The following HS6ST3 variants were observed in gnomAD, a reference collection of about 807,000 sequenced individuals.
HS6ST3 encodes the protein heparan sulfate 6-O-sulfotransferase 3, also known as heparan-sulfate 6-O-sulfotransferase 3.
A neutral mutation model predicts 36.7 loss-of-function variants in HS6ST3; 12 were observed. The observed-to-expected ratio is 0.33, with a 90% CI of 0.21 to 0.53. The LOEUF (loss-of-function observed/expected upper bound fraction) is 0.53. Ranked by LOEUF, HS6ST3 falls within the 20% of genes least tolerant of loss-of-function variation. The probability of loss-of-function intolerance (pLI) is 0.95; values close to 1 mark genes in which losing one functional copy is unlikely to be tolerated. For missense variants in HS6ST3, 584 were observed against 640.9 expected, an observed-to-expected ratio of 0.91 and a Z score of 0.96; for synonymous variants, 240 against 257.5, an observed-to-expected ratio of 0.93 and a Z score of 0.65.
chr13:96,469,274 C>T (rs1419229171), intron 1 of HS6ST3, among the ~76,000 whole-genome samples: 1 of 151,846 alleles, frequency 6.6e-6, no homozygotes, highest in African/African-American at 2.4e-5. Flanking sequence ...TTTTCTCCGT[C>T]ATTGGCTTAG....
chr13:96,828,727 C>G (rs1878704342), intron 1 of HS6ST3, among the ~76,000 whole-genome samples: 1 of 152,164 alleles, frequency 6.6e-6, no homozygotes. Context: ...GTTTGCTACA[C>G]CAAGGGTCTT....
At chr13:96,656,732 A>G (rs1006400587) in intron 1 of HS6ST3, among the ~76,000 whole-genome samples, 1 of 152,106 alleles carries the variant, frequency 6.6e-6, no homozygotes, top group African/African-American at 2.4e-5. Context: ...GGAATCCTTC[A>G]ATGAATTGGC....
At chr13:96,576,973 A>AAAGT (rs2056324387) in intron 1 of HS6ST3, among the ~76,000 whole-genome samples, 1 of 144,968 alleles carries the variant, frequency 6.9e-6, no homozygotes, top group Non-Finnish European at 1.5e-5. Context: ...AAAAAAAAAA[A>AAAGT]GTTGCTCTAT....
chr13:96,093,719 T>A (rs943460413), intron 1 of HS6ST3, among the ~76,000 whole-genome samples: 1 of 152,168 alleles, frequency 6.6e-6, no homozygotes, highest in Non-Finnish European at 1.5e-5. Context: ...TTGTGGCATA[T>A]GTGAAGTGCC....
At chr13:96,589,328 T>G (rs564069908) in intron 1 of HS6ST3, among the ~76,000 whole-genome samples, 1 of 152,102 alleles carries the variant, frequency 6.6e-6, no homozygotes, top group Non-Finnish European at 1.5e-5. Flanking sequence ...TAATTTTTTA[T>G]GTATAATTGT....
At chr13:96,804,618 ATT>A (rs879622817) in intron 1 of HS6ST3, among the ~76,000 whole-genome samples, 1 of 147,840 alleles carries the variant, frequency 6.8e-6, no homozygotes, top group African/African-American at 2.5e-5. Flanking sequence ...GCAAAGAATC[ATT>A]TTTTTTTTTA....
chr13:96,111,112 T>G (rs1361192530), intron 1 of HS6ST3, among the ~76,000 whole-genome samples: 1 of 152,202 alleles, frequency 6.6e-6, no homozygotes, highest in Non-Finnish European at 1.5e-5. Context: ...TAGTTGACTG[T>G]GCAGGATCAC....
chr13:96,311,511 T>C (rs2054940867), intron 1 of HS6ST3, among the ~76,000 whole-genome samples: 1 of 152,150 alleles, frequency 6.6e-6, no homozygotes, highest in Non-Finnish European at 1.5e-5. Flanking sequence ...CCCTTATTCT[T>C]TGATACTCCC....
chr13:96,726,864 T>C (rs541250819), intron 1 of HS6ST3, among the ~76,000 whole-genome samples: 2 of 152,324 alleles, frequency 1.3e-5, no homozygotes, highest in African/African-American at 2.4e-5. Context: ...TTTCCCTCTG[T>C]ATGTTTCATG....
intron 1 of HS6ST3, among the ~76,000 whole-genome samples, chr13:96,400,874 A>G (rs1408615936): frequency 1.3e-5 from 2 of 152,128 alleles, no homozygotes; most frequent in African/African-American, 4.8e-5. Context: ...TCCCCTGAAG[A>G]GTATTCTACC....
At chr13:96,272,393 C>T (rs971818013) in intron 1 of HS6ST3, among the ~76,000 whole-genome samples, 1 of 151,944 alleles carries the variant, frequency 6.6e-6, no homozygotes, top group Admixed American at 6.6e-5. Context: ...AATTCTGGTG[C>T]TAGAGCCCCA....
chr13:96,747,123 A>G (rs1876581849), intron 1 of HS6ST3, among the ~76,000 whole-genome samples: 1 of 152,110 alleles, frequency 6.6e-6, no homozygotes, highest in African/African-American at 2.4e-5. Context: ...CAATATGGCA[A>G]CAGCAGATTG....
chr13:96,257,557 A>G (rs2054643048), intron 1 of HS6ST3, among the ~76,000 whole-genome samples: 1 of 152,190 alleles, frequency 6.6e-6, no homozygotes, highest in African/African-American at 2.4e-5. Context: ...CAATTTCTTC[A>G]TTAATAATAT....
chr13:96,466,206 G>T (rs7993377), intron 1 of HS6ST3, among the ~76,000 whole-genome samples: 130 of 152,162 alleles, frequency 8.5e-4, no homozygotes, highest in African/African-American at 2.9e-3. Context: ...GCTTGAACCC[G>T]GGAGGCGGAG....
intron 1 of HS6ST3, among the ~76,000 whole-genome samples, chr13:96,607,390 A>G (rs2056442854): frequency 6.6e-6 from 1 of 152,228 alleles, no homozygotes; most frequent in East Asian, 1.9e-4. Context: ...ACACAAGAAA[A>G]CTGTCCACAA....
At chr13:96,742,276 G>GA (rs972563565) in intron 1 of HS6ST3, among the ~76,000 whole-genome samples, 2 of 151,858 alleles carry the variant, frequency 1.3e-5, no homozygotes, top group African/African-American at 4.8e-5. Context: ...GATAAAAGCA[G>GA]AAAAAATAGG....
At chr13:96,479,436 C>G (rs538427926) in intron 1 of HS6ST3, among the ~76,000 whole-genome samples, 1 of 152,222 alleles carries the variant, frequency 6.6e-6, no homozygotes, top group East Asian at 1.9e-4. Flanking sequence ...AATGGGGAAT[C>G]ATTGAATGAT....
intron 1 of HS6ST3, among the ~76,000 whole-genome samples, chr13:96,260,914 A>G (rs2139383084): frequency 6.6e-6 from 1 of 152,282 alleles, no homozygotes; most frequent in East Asian, 1.9e-4. Context: ...TGCTGGGATT[A>G]CAGGTGTGAG....
At chr13:96,770,627 A>G (rs934619641) in intron 1 of HS6ST3, among the ~76,000 whole-genome samples, 5 of 152,238 alleles carry the variant, frequency 3.3e-5, no homozygotes, top group Non-Finnish European at 5.9e-5. Context: ...AGTAGATTCT[A>G]TGGCACAGTG....
Sources: allele counts gnomAD v4.1 joint callset (sites outside exome capture counted in the v4.1 genomes callset), GRCh38; gene constraint gnomAD v4.1.1; transcripts MANE v1.5; gene names NCBI Gene and HGNC (gene_info 2026-07-23, HGNC 2026-07-21).